The following LARGE1 variants were observed in gnomAD, a reference collection of about 807,000 sequenced individuals.
The protein encoded by LARGE1 is xylosyl- and glucuronyltransferase LARGE1.
Under a neutral mutation model 87.6 loss-of-function variants are expected in LARGE1, and 43 were observed. The observed-to-expected ratio is 0.49, with a 90% CI of 0.38 to 0.63. The LOEUF (loss-of-function observed/expected upper bound fraction) is 0.63, where lower values mean the gene tolerates loss of function less well. Among genes scored for constraint, LARGE1 ranks in the 30% least tolerant of loss-of-function variants. LARGE1 has a pLI of 0.00. For missense variants in LARGE1, 802 were observed against 1,000.2 expected, an observed-to-expected ratio of 0.80 and a Z score of 2.67; for synonymous variants, 434 against 394.6, an observed-to-expected ratio of 1.10 and a Z score of -1.18.
intron 1 of LARGE1, among the ~76,000 whole-genome samples, chr22:33,877,665 G>A (rs535151332): frequency 2.0e-5 from 3 of 152,260 alleles, no homozygotes; most frequent in Admixed American, 6.5e-5. Flanking sequence ...GCTCACACCT[G>A]TAATCCCAGC....
intron 10 of LARGE1, among the ~76,000 whole-genome samples, chr22:33,332,254 C>T (rs1278295672): frequency 6.6e-6 from 1 of 152,120 alleles, no homozygotes; most frequent in Non-Finnish European, 1.5e-5. Flanking sequence ...ATACTGGTCT[C>T]ATGATAGTGA....
At chr22:33,776,237 T>C (rs2085232924) in intron 1 of LARGE1, among the ~76,000 whole-genome samples, 2 of 152,188 alleles carry the variant, frequency 1.3e-5, no homozygotes, top group South Asian at 4.1e-4. Flanking sequence ...CAATCTGGAT[T>C]GTACTTTAAA....
At chr22:33,369,458 G>T (rs111690001) in intron 9 of LARGE1, among the ~76,000 whole-genome samples, 2,284 of 151,732 alleles carry the variant, frequency 0.015, 32 homozygotes, top group African/African-American at 0.044. Flanking sequence ...TATTTTCTTG[G>T]TTTTTTTTTC....
Position 33,673,168 on chromosome 22 carries a change from G to C in LARGE1, c.107-22500C>G, listed in dbSNP as rs182139451. Among the ~76,000 whole-genome samples the C allele has an allele frequency of 5.9e-5, 9 of 152,172 alleles. No individual in the cohort carries two copies. The East Asian group carries it at 1.7e-3, about 29-fold the overall frequency. ...CGGGCGCCTGTAATCCCATCTACTC[G>C]GGAGTCTGAAGCAGGAGAATTGCTT... is the stretch of plus-strand genomic sequence containing the variant. On this transcript the variant is annotated intron_variant, in intron 2 of 14. Coordinates refer to ENST00000397394, the MANE Select transcript of LARGE1 (RefSeq NM_133642.5).
intron 6 of LARGE1, among the ~76,000 whole-genome samples, chr22:33,444,555 C>T (rs8136201): frequency 0.17 from 26,275 of 152,034 alleles, 2,373 homozygotes; most frequent in African/African-American, 0.19. Flanking sequence ...ATTCTTAAGC[C>T]TGATCCTTGG....
chr22:33,688,969 T>G (rs1241000622), intron 2 of LARGE1, among the ~76,000 whole-genome samples: 4 of 152,074 alleles, frequency 2.6e-5, no homozygotes, highest in African/African-American at 7.2e-5. Flanking sequence ...CTTTGAAAAG[T>G]TTTATGCCTT....
chr22:33,636,888 A>C (rs1569331420), intron 3 of LARGE1, among the ~76,000 whole-genome samples: 1 of 152,162 alleles, frequency 6.6e-6, no homozygotes, highest in Non-Finnish European at 1.5e-5. Flanking sequence ...AAGGGATTAG[A>C]GCCTGGTACC....
intron 5 of LARGE1, among the ~76,000 whole-genome samples, chr22:33,590,044 T>A (rs1216336867): frequency 6.6e-6 from 1 of 152,174 alleles, no homozygotes. Flanking sequence ...ATATTATGTT[T>A]TAAAAATCAT....
chr22:33,499,241 T>C (rs1246137387), intron 6 of LARGE1, among the ~76,000 whole-genome samples: 2 of 152,194 alleles, frequency 1.3e-5, no homozygotes, highest in South Asian at 2.1e-4. Flanking sequence ...AAGGTGCCTA[T>C]AGTCGGCTAG....
the LARGE1 span, among the ~76,000 whole-genome samples, chr22:33,128,770 G>A: frequency 0.97 from 146,770 of 152,052 alleles, 70,879 homozygotes; most frequent in East Asian, 1. Flanking sequence ...CAGCCATAAA[G>A]AGGAATGAGA....
chr22:33,758,538 T>C (rs1352156143), intron 2 of LARGE1, among the ~76,000 whole-genome samples: 1 of 152,106 alleles, frequency 6.6e-6, no homozygotes, highest in African/African-American at 2.4e-5. Context: ...TTCTAAAGGA[T>C]CATGTTGATA....
intron 11 of LARGE1, among the ~76,000 whole-genome samples, chr22:33,170,995 A>T (rs1468549444): frequency 6.6e-6 from 1 of 152,190 alleles, no homozygotes; most frequent in Non-Finnish European, 1.5e-5. Flanking sequence ...TGGACGATAA[A>T]GTCCAGGCTG....
intron 10 of LARGE1, among the ~76,000 whole-genome samples, chr22:33,336,895 A>G (rs1938515291): frequency 6.6e-6 from 1 of 151,980 alleles, no homozygotes; most frequent in Non-Finnish European, 1.5e-5. Flanking sequence ...CCCCATCTCT[A>G]CTAAAAATAC....
rs535230421 is a variant in LARGE1 at position 33,748,024 on chromosome 22, C to CAAAAAAAAAAAAAA, written c.106+13333_106+13346dup. ...GGGCACTGTGTGCCCTCTGCTGGAG[C>CAAAAAAAAAAAAAA]AAAAAAAAAAAAAAAAAAAAAAAAA... On this transcript the variant is annotated intron_variant, in intron 2 of 14. Transcript: ENST00000397394. 5.1e-4 allele frequency among the ~76,000 whole-genome samples: 11 copies of CAAAAAAAAAAAAAA among 21,736 alleles called. 2 individuals are homozygous for CAAAAAAAAAAAAAA. The highest frequency in any genetic ancestry group is 8.8e-4 in the African/African-American group (8 of 9,090). The allele number at this position is 21,736 out of a possible 152,430, so 14.3% of individuals were successfully genotyped here. A position where few individuals can be genotyped will look rare whatever the true frequency, so the allele number is the denominator to read the frequency against.
At chr22:33,760,510 C>T (rs1450542545) in intron 2 of LARGE1, among the ~76,000 whole-genome samples, 1 of 152,198 alleles carries the variant, frequency 6.6e-6, no homozygotes, top group African/African-American at 2.4e-5. Flanking sequence ...CATCACAACG[C>T]GCATCGCAAC....
the LARGE1 span, among the ~76,000 whole-genome samples, chr22:33,082,668 G>C: frequency 6.6e-6 from 1 of 152,198 alleles, no homozygotes; most frequent in African/African-American, 2.4e-5. Flanking sequence ...CCAAATGCAT[G>C]GGAATGATTT....
the LARGE1 span, among the ~76,000 whole-genome samples, chr22:33,096,665 C>T: frequency 1.3e-5 from 2 of 151,008 alleles, no homozygotes; most frequent in Admixed American, 1.3e-4. Context: ...CCCGGGTTCA[C>T]GCCATTCTCC....
rs570624091 is a variant in LARGE1, at chr22:33,449,339, C to T, written c.788-17074G>A. On this transcript the variant is annotated intron_variant, in intron 6 of 14. Coordinates refer to ENST00000397394, the MANE Select transcript of LARGE1 (RefSeq NM_133642.5). Reference sequence around the variant, plus strand: ...AGCTGTTGAGCAAAGAGGAAGGGAACGCAGAAAAGGAGTATCCCTAGGCAG... The same window carrying T: ...AGCTGTTGAGCAAAGAGGAAGGGAATGCAGAAAAGGAGTATCCCTAGGCAG... Among the ~76,000 whole-genome samples the T allele has an allele frequency of 1.7e-4, 26 of 152,236 alleles. No individual in the cohort carries two copies. The East Asian group carries it at 2.9e-3, about 17-fold the overall frequency.
chr22:33,532,104 A>G (rs1418405143), intron 6 of LARGE1, among the ~76,000 whole-genome samples: 1 of 152,258 alleles, frequency 6.6e-6, no homozygotes, highest in Admixed American at 6.5e-5. Flanking sequence ...TGCTAAATAA[A>G]TGGATGAATA....
Sources: gnomAD v4.1 joint callset for allele counts (sites outside exome capture counted in the v4.1 genomes callset) on GRCh38, gnomAD v4.1.1 for gene constraint, MANE v1.5 for transcripts, NCBI Gene and HGNC (gene_info 2026-07-23, HGNC 2026-07-21) for gene names.